Variants in AFF4 observed in about 807,000 individuals in gnomAD.
AFF4 encodes ALF transcription elongation factor 4, also known as AF4/FMR2 family member 4.
AFF4 carries 13 observed loss-of-function variants against 124.8 expected under a neutral mutation model. The ratio of observed to expected loss-of-function variants is 0.10; its 90% confidence interval spans 0.07 to 0.17. The LOEUF (loss-of-function observed/expected upper bound fraction) is 0.17. AFF4 is among the 10% of genes least tolerant of loss of function. The probability of loss-of-function intolerance (pLI) is 1.00; values close to 1 mark genes in which losing one functional copy is unlikely to be tolerated. For synonymous variants in AFF4, 477 were observed against 496.1 expected, an observed-to-expected ratio of 0.96 and a Z score of 0.51; for missense variants, 1,092 against 1,403.8, an observed-to-expected ratio of 0.78 and a Z score of 3.55.
At chr5:132,900,270 G>A (rs1462814079) in intron 7 of AFF4, among the ~76,000 whole-genome samples, 2 of 152,124 alleles carry the variant, frequency 1.3e-5, no homozygotes, top group African/African-American at 4.8e-5. Context: ...AAACTTTGAA[G>A]TTCTGGCTGG....
chr5:132,891,459 G>A (rs1257511392), intron 13 of AFF4, among the ~76,000 whole-genome samples: 1 of 152,146 alleles, frequency 6.6e-6, no homozygotes, highest in Non-Finnish European at 1.5e-5. Context: ...ACAAATTGAG[G>A]TTGAGTGACT....
chr5:132,916,978 T>C (rs1454987197), intron 5 of AFF4, among the ~76,000 whole-genome samples: 1 of 152,134 alleles, frequency 6.6e-6, no homozygotes. Flanking sequence ...TGGAGTGCAA[T>C]GGGGTGATCT....
intron 1 of AFF4, among the ~76,000 whole-genome samples, chr5:132,949,700 A>ACACACACG (rs775970739): frequency 2.0e-4 from 29 of 146,628 alleles, no homozygotes; most frequent in African/African-American, 7.2e-4. Flanking sequence ...ACACACACAC[A>ACACACACG]CGCGCGCGCG....
rs1245188942 is a variant in AFF4 at position 132,877,649 on chromosome 5, T to C, written c.*3410A>G. The C allele has an allele frequency of 4.7e-6, 1 of 211,014 alleles. No homozygotes were observed. Among genetic ancestry groups the C allele is most frequent in the Non-Finnish European group, 9.6e-6 (1 of 103,668 alleles). 13.1% of individuals were successfully genotyped at this position (211,014 alleles called of 1,614,324 possible). A position where few individuals can be genotyped will look rare whatever the true frequency, so the allele number is the denominator to read the frequency against. Reference sequence around the variant, plus strand: ...AACTAGGCATCACTGACTGGAACAATCACTGGCTGCTCTGAAACTCCAGAG... The same window carrying C: ...AACTAGGCATCACTGACTGGAACAACCACTGGCTGCTCTGAAACTCCAGAG... On this transcript the variant is annotated 3_prime_UTR_variant, in exon 21 of 21. Coordinates refer to ENST00000265343, the MANE Select transcript of AFF4 (RefSeq NM_014423.4).
intron 5 of AFF4, among the ~76,000 whole-genome samples, chr5:132,918,130 T>C (rs983046437): frequency 1.3e-5 from 2 of 150,828 alleles, no homozygotes; most frequent in African/African-American, 2.4e-5. Flanking sequence ...CTGTGGCTCA[T>C]GCCTGTAATC....
intron 1 of AFF4, among the ~76,000 whole-genome samples, chr5:132,949,644 T>C (rs991712338): frequency 2.0e-4 from 30 of 150,872 alleles, no homozygotes; most frequent in African/African-American, 6.1e-4. Context: ...GGCCAGGAGA[T>C]TGAGACCATC....
intron 5 of AFF4, among the ~76,000 whole-genome samples, chr5:132,906,283 T>C (rs1760669531): frequency 6.6e-6 from 1 of 152,168 alleles, no homozygotes; most frequent in Non-Finnish European, 1.5e-5. Context: ...AATGTAAACA[T>C]ATGTCCACAC....
In AFF4 at chr5:132,885,246, ATACGTG is replaced by A. The variant is rs1760084420; in HGVS notation, c.3100-133_3100-128del. The stretch of plus-strand genomic sequence containing the variant: ...AGCTGTAAATATTTAAGACACCAAA[ATACGTG>A]TGTGTGTGTGTGTGTGTGTGTGTGT... On this transcript the variant is annotated intron_variant, in intron 18 of 20. Transcript: ENST00000265343. 1.7e-5 allele frequency: 8 copies of A among 468,312 alleles called. No individual in the cohort carries two copies. In the South Asian group the frequency reaches 1.8e-4, roughly 10 times the overall value. The allele number at this position is 468,312 out of a possible 1,614,324, so 29.0% of individuals were successfully genotyped here. A position where few individuals can be genotyped will look rare whatever the true frequency, so the allele number is the denominator to read the frequency against.
At chr5:132,945,302 T>C (rs1423322059) in intron 1 of AFF4, 1 of 152,188 alleles carries the variant, frequency 6.6e-6, no homozygotes, top group East Asian at 1.9e-4. Context: ...CAAGAATCTG[T>C]CTCAGAATTT....
chr5:132,898,190 G>T, intron 10 of AFF4, 40 bp downstream of exon 10: 1 of 1,610,430 alleles, frequency 6.2e-7, no homozygotes, highest in South Asian at 1.1e-5. Flanking sequence ...CAAGGACCCT[G>T]AGAGGGCCTG....
intron 5 of AFF4, among the ~76,000 whole-genome samples, chr5:132,917,793 A>G (rs1760949536): frequency 7.5e-6 from 1 of 132,630 alleles, no homozygotes; most frequent in Non-Finnish European, 1.5e-5. Context: ...GCTCACTGCA[A>G]CCTCCACCTC....
At chr5:132,883,905 T>C (rs1035179815) in intron 19 of AFF4, among the ~76,000 whole-genome samples, 2 of 152,224 alleles carry the variant, frequency 1.3e-5, no homozygotes, top group African/African-American at 4.8e-5. Context: ...TAATTACATA[T>C]TTTTTATACT....
At chr5:132,887,690 T>A in intron 16 of AFF4, 98 bp from the exon 17 acceptor site, 1 of 1,516,356 alleles carries the variant, frequency 6.6e-7, no homozygotes, top group Non-Finnish European at 9.1e-7. Context: ...CAAACCTAAA[T>A]AAAAGCAAAA....
In AFF4 at chr5:132,943,859, G is replaced by C. The variant is rs146953101; in HGVS notation, c.-4-6666C>G. On this transcript the variant is annotated intron_variant, in intron 1 of 20. Transcript: ENST00000265343. ...GATTGCCACATGGCTCACACTGCCT[G>C]CAAGTTTCCTGAGCTGAAGGGAAAG... The C allele has an allele frequency of 2.0e-3, 449 of 227,012 alleles. 4 individuals are homozygous for C. The highest frequency in any genetic ancestry group is 9.7e-3 in the African/African-American group (424 of 43,572). The allele number at this position is 227,012 out of a possible 1,614,324, so 14.1% of individuals were successfully genotyped here. A position where few individuals can be genotyped will look rare whatever the true frequency, so the allele number is the denominator to read the frequency against.
At chr5:132,946,461 GTA>G (rs1188017116) in intron 1 of AFF4, among the ~76,000 whole-genome samples, 1 of 152,146 alleles carries the variant, frequency 6.6e-6, no homozygotes, top group East Asian at 1.9e-4. Flanking sequence ...GCAAAATGTG[GTA>G]TATATACACA....
chr5:132,880,314 A>C lies in AFF4; in HGVS notation c.*745T>G, dbSNP rs1021317749. On this transcript the variant is annotated 3_prime_UTR_variant, in exon 21 of 21. Coordinates refer to ENST00000265343, the MANE Select transcript of AFF4 (RefSeq NM_014423.4). ...TCCTCCCTCTTTTGTAATGCATTAAATGCAAGCTATAGTCACTGTGTGATT... is the reference window on the plus strand; with the variant it reads ...TCCTCCCTCTTTTGTAATGCATTAACTGCAAGCTATAGTCACTGTGTGATT... The C allele has an allele frequency of 4.5e-5, 18 of 398,882 alleles. No homozygotes were observed. Among genetic ancestry groups the C allele is most frequent in the Non-Finnish European group, 6.6e-5 (15 of 226,034 alleles). The allele number at this position is 398,882 out of a possible 1,614,324, so 24.7% of individuals were successfully genotyped here. A position where few individuals can be genotyped will look rare whatever the true frequency, so the allele number is the denominator to read the frequency against.
chr5:132,892,679 G>A (rs1273047182), intron 12 of AFF4, among the ~76,000 whole-genome samples: 1 of 152,130 alleles, frequency 6.6e-6, no homozygotes, highest in Non-Finnish European at 1.5e-5. Context: ...ACAAATTGAT[G>A]AATGGTGAAT....
chr5:132,879,901 G>A lies in AFF4; in HGVS notation c.*1158C>T, dbSNP rs148933852. The A allele has an allele frequency of 7.3e-6, 2 of 272,466 alleles. No individual in the cohort carries two copies. Among genetic ancestry groups the A allele is most frequent in the Non-Finnish European group, 1.4e-5 (2 of 145,254 alleles). The allele number at this position is 272,466 out of a possible 1,614,324, so 16.9% of individuals were successfully genotyped here. ...AGAGGGCCTTCATAATGCAAAAGGA[G>A]TAAACAGAAGATAGGTTTAAAAAGG... On this transcript the variant is annotated 3_prime_UTR_variant, in exon 21 of 21. Transcript: ENST00000265343.
At chr5:132,949,847 CAA>C (rs113489900) in intron 1 of AFF4, among the ~76,000 whole-genome samples, 47,083 of 99,790 alleles carry the variant, frequency 0.47, 8,720 homozygotes, top group African/African-American at 0.56. Flanking sequence ...GACTCTGTCT[CAA>C]AAAAAAAAAA....
Sources: gnomAD v4.1 joint callset for allele counts (sites outside exome capture counted in the v4.1 genomes callset) on GRCh38, gnomAD v4.1.1 for gene constraint, MANE v1.5 for transcripts, NCBI Gene and HGNC (gene_info 2026-07-23, HGNC 2026-07-21) for gene names.